Variants in ERCC1 observed in about 807,000 individuals in gnomAD.
ERCC1 encodes ERCC excision repair 1, endonuclease non-catalytic subunit.
ERCC1 carries 36 observed loss-of-function variants against 37.6 expected under a neutral mutation model. The observed-to-expected ratio is 0.96, with a 90% CI of 0.73 to 1.26. The LOEUF (loss-of-function observed/expected upper bound fraction) is 1.26, where lower values mean the gene tolerates loss of function less well. ERCC1 is among the 50% of genes most tolerant of loss of function. ERCC1 has a pLI of 0.00. For missense variants in ERCC1, 349 were observed against 376.5 expected, an observed-to-expected ratio of 0.93 and a Z score of 0.60; for synonymous variants, 156 against 162.1, an observed-to-expected ratio of 0.96 and a Z score of 0.28.
intron 1 of ERCC1, among the ~76,000 whole-genome samples, chr19:45,437,898 G>A (rs1003898876): frequency 6.7e-6 from 1 of 150,344 alleles, no homozygotes; most frequent in Admixed American, 6.6e-5. Flanking sequence ...TTGTCACTAC[G>A]TGTTCTCATC....
intron 1 of ERCC1, among the ~76,000 whole-genome samples, chr19:45,429,446 G>A (rs1259136648): frequency 6.6e-6 from 1 of 151,906 alleles, no homozygotes; most frequent in African/African-American, 2.4e-5. Context: ...GGCAAAAACA[G>A]CGAAACTCCA....
At chr19:45,433,037 G>T (rs536660390) in intron 1 of ERCC1, among the ~76,000 whole-genome samples, 1 of 151,982 alleles carries the variant, frequency 6.6e-6, no homozygotes, top group South Asian at 2.1e-4. Context: ...CCGAGATCGC[G>T]CCACTGCACT....
intron 1 of ERCC1, among the ~76,000 whole-genome samples, chr19:45,443,144 A>G (rs1274518580): frequency 2.0e-5 from 3 of 152,064 alleles, no homozygotes; most frequent in African/African-American, 7.2e-5. Flanking sequence ...GGGGTCTCCC[A>G]GCTGCCTGGA....
rs1464451106 is a variant in ERCC1 at position 45,420,934 on chromosome 19, C to T, written c.321+244G>A. On this transcript the variant is annotated intron_variant, in intron 3 of 9. Coordinates refer to ENST00000300853, the MANE Select transcript of ERCC1 (RefSeq NM_001983.4). The surrounding 1 kb of genome is among the most constrained non-coding windows in gnomAD (Gnocchi z 4.8). ...CCACCACACCCAGCCTCATTCAGTACATTTTGAATAAATTAACAAACCTGG... is the reference window on the plus strand; with the variant it reads ...CCACCACACCCAGCCTCATTCAGTATATTTTGAATAAATTAACAAACCTGG... Among the ~76,000 whole-genome samples the T allele has an allele frequency of 6.6e-6, 1 of 152,134 alleles. No individual in the cohort carries two copies. The highest frequency in any genetic ancestry group is 6.5e-5 in the Admixed American group (1 of 15,276).
chr19:45,413,629 G>T lies in ERCC1; in HGVS notation c.843+48C>A, dbSNP rs760862492. The T allele has an allele frequency of 6.4e-5, 103 of 1,614,004 alleles. No homozygotes were observed. Among genetic ancestry groups the T allele is most frequent in the Non-Finnish European group, 8.5e-5 (100 of 1,180,034 alleles). ...GGGGTCTCAGGTTGTGTTTATTTGGGGCTCTCTCCTTCCCCCAACTCCTTG... is the reference window on the plus strand; with the variant it reads ...GGGGTCTCAGGTTGTGTTTATTTGGTGCTCTCTCCTTCCCCCAACTCCTTG... On this transcript the variant is annotated intron_variant, in intron 9 of 9. Coordinates refer to ENST00000300853, the MANE Select transcript of ERCC1 (RefSeq NM_001983.4).
At chr19:45,435,075 G>T (rs893174355) in intron 1 of ERCC1, among the ~76,000 whole-genome samples, 1 of 151,984 alleles carries the variant, frequency 6.6e-6, no homozygotes, top group South Asian at 2.1e-4. Context: ...GAGCCATGGT[G>T]CCTGGCCAAA....
chr19:45,420,310 G>A lies in ERCC1; in HGVS notation c.425+14C>T, dbSNP rs1035667790. On this transcript the variant is annotated intron_variant, in intron 4 of 9. Transcript: ENST00000300853. This position sits in a 1 kb window ranked among gnomAD's most constrained non-coding sequence, Gnocchi z 4.8. ...TGCCCTTCCTGAAGTCTGGGGTGGC[G>A]CCGCAGAGCTCACCTGAGGAACAGG... 12 of 1,576,662 alleles carry A rather than the reference G, an allele frequency of 7.6e-6. No individual in the cohort carries two copies. The highest frequency in any genetic ancestry group is 4.1e-5 in the African/African-American group (3 of 73,930).
Position 45,408,256 on chromosome 19 carries a change from C to T in ERCC1, c.*1419G>A. ...AAGCTGGAGAAGCGACCCTGCTGGCCCCCTCAACGGAGGCAGGAGGTGGAC... is the reference window on the plus strand; with the variant it reads ...AAGCTGGAGAAGCGACCCTGCTGGCTCCCTCAACGGAGGCAGGAGGTGGAC... On this transcript the variant is annotated 3_prime_UTR_variant, in exon 10 of 10. Transcript: ENST00000300853. The T allele has an allele frequency of 2.5e-6, 4 of 1,614,104 alleles. No individual in the cohort carries two copies. The highest frequency in any genetic ancestry group is 3.4e-6 in the Non-Finnish European group (4 of 1,180,006).
chr19:45,438,137 C>G (rs1173490106), intron 1 of ERCC1, among the ~76,000 whole-genome samples: 3 of 152,152 alleles, frequency 2.0e-5, no homozygotes, highest in African/African-American at 7.2e-5. Flanking sequence ...GTGTCGATCT[C>G]CTGACCTCGT....
At chr19:45,432,813 T>A (rs1974868316) in intron 1 of ERCC1, among the ~76,000 whole-genome samples, 1 of 152,214 alleles carries the variant, frequency 6.6e-6, no homozygotes, top group South Asian at 2.1e-4. Flanking sequence ...ACGCCTGTAT[T>A]CCCAGCACTT....
chr19:45,423,331 C>A lies in ERCC1; in HGVS notation c.44G>T (p.Gly15Val), dbSNP rs1383334152. 6.2e-7 allele frequency: 1 copy of A among 1,613,810 alleles called. No homozygotes were observed. The highest frequency in any genetic ancestry group is 8.5e-7 in the Non-Finnish European group (1 of 1,179,954). ...CACAAATTTCTTCCTTGCTGGCGGC[C>A]CTGAGGGCTGGGGCACCCCCTCTTT... ...KDKEGVPQPSGPPARKKFVIP... is the reference protein window; with the variant it reads ...KDKEGVPQPSVPPARKKFVIP... Residue 15 changes from glycine to valine, a missense_variant, in exon 2 of 10, where the codon GGG becomes GTG. Physicochemically the swap from Gly to Val is moderately radical, Grantham distance 109 (BLOSUM62 -3). Coordinates refer to ENST00000300853, the MANE Select transcript of ERCC1 (RefSeq NM_001983.4).
rs1975051949 is a variant in ERCC1, at chr19:45,439,031, A to G, written c.-7-15650T>C. 2.0e-5 allele frequency among the ~76,000 whole-genome samples: 3 copies of G among 152,080 alleles called. No homozygotes were observed. In the South Asian group the frequency reaches 6.2e-4, roughly 31 times the overall value. On this transcript the variant is annotated intron_variant, in intron 1 of 8. Coordinates refer to the ERCC1 transcript ENST00000423698. The stretch of plus-strand genomic sequence containing the variant: ...TCCCAACCCCATCTCTACTAAAAAT[A>G]CAAAATTAGCCAGCCGTTGTGGCGC...
intron 9 of ERCC1, 164 bp from the exon 10 acceptor site, chr19:45,409,889 A>ATTTTTTTTTTTTTTTTTT (rs1184782156): frequency 4.2e-6 from 1 of 237,318 alleles, no homozygotes; most frequent in Admixed American, 7.7e-5. Flanking sequence ...TATTATTATT[A>ATTTTTTTTTTTTTTTTTT]TTATTATTTT....
At chr19:45,417,547 CG>C (rs1167447635) in intron 5 of ERCC1, among the ~76,000 whole-genome samples, 1 of 151,908 alleles carries the variant, frequency 6.6e-6, no homozygotes, top group Non-Finnish European at 1.5e-5. Context: ...TCGCTCCCTA[CG>C]GGAGAGAGGA....
At chr19:45,448,912 C>T (rs962759980) in intron 1 of ERCC1, among the ~76,000 whole-genome samples, 7 of 152,088 alleles carry the variant, frequency 4.6e-5, no homozygotes, top group African/African-American at 1.7e-4. Flanking sequence ...CTCAGCCTTA[C>T]CAAGCCAGGT....
chr19:45,427,889 G>A (rs1445690425), upstream of ERCC1, among the ~76,000 whole-genome samples: 1 of 152,138 alleles, frequency 6.6e-6, no homozygotes. Context: ...CCCCGCTCCC[G>A]ATTCATTTCC....
intron 1 of ERCC1, among the ~76,000 whole-genome samples, chr19:45,451,221 T>C (rs1967111986): frequency 6.6e-6 from 1 of 152,178 alleles, no homozygotes; most frequent in Non-Finnish European, 1.5e-5. Context: ...CTCCCCGGCA[T>C]GTCCGTCTGT....
chr19:45,408,600 G>C lies in ERCC1; in HGVS notation c.*1075C>G. On this transcript the variant is annotated 3_prime_UTR_variant, in exon 10 of 10. Coordinates refer to ENST00000300853, the MANE Select transcript of ERCC1 (RefSeq NM_001983.4). ...TTGGGGTCGCCAGAAATGGATGTGC[G>C]GAAGAAGAAGAAGAAAAAAAATCAG... The C allele has an allele frequency of 6.2e-7, 1 of 1,613,716 alleles. No homozygotes were observed. Among genetic ancestry groups the C allele is most frequent in the Non-Finnish European group, 8.5e-7 (1 of 1,180,016 alleles).
intron 1 of ERCC1, among the ~76,000 whole-genome samples, chr19:45,437,337 C>T (rs1006335852): frequency 1.3e-5 from 2 of 152,078 alleles, no homozygotes; most frequent in African/African-American, 4.8e-5. Flanking sequence ...CTAGCAGACT[C>T]ATATACCTCT....
Sources: gnomAD v4.1 joint callset for allele counts (sites outside exome capture counted in the v4.1 genomes callset) on GRCh38, gnomAD v4.1.1 for gene constraint, Gnocchi (gnomAD v3.1) non-coding constraint, MANE v1.5 for transcripts, NCBI Gene and HGNC (gene_info 2026-07-23, HGNC 2026-07-21) for gene names.